MYT1L: variants seen among roughly 807,000 people sequenced by gnomAD.
MYT1L encodes myelin transcription factor 1-like protein.
In MYT1L, 12 loss-of-function variants were observed where a neutral mutation model predicts 126.7. The ratio of observed to expected loss-of-function variants is 0.09; its 90% CI spans 0.06 to 0.15. MYT1L has a LOEUF of 0.15. MYT1L is among the 10% of genes least tolerant of loss of function. MYT1L has a pLI of 1.00. For synonymous variants in MYT1L, 541 were observed against 604.2 expected (o/e 0.90, Z 1.53); for missense variants, 979 against 1,585.2 (o/e 0.62, Z 6.49).
intron 21 of MYT1L, among the ~76,000 whole-genome samples, chr2:1,832,343 G>C (rs1272942287): frequency 1.3e-5 from 2 of 152,212 alleles, no homozygotes; most frequent in Non-Finnish European, 2.9e-5. Context: ...ACAGGGGATA[G>C]AGGTCAGTTG....
chr2:2,014,835 T>A (rs927327105), intron 4 of MYT1L, among the ~76,000 whole-genome samples: 1 of 152,162 alleles, frequency 6.6e-6, no homozygotes, highest in Non-Finnish European at 1.5e-5. Flanking sequence ...GAGTTCCCCT[T>A]AAGAGGGGTG....
intron 3 of MYT1L, among the ~76,000 whole-genome samples, chr2:2,124,723 G>A (rs1241945707): frequency 6.6e-6 from 1 of 152,216 alleles, no homozygotes; most frequent in Non-Finnish European, 1.5e-5. Flanking sequence ...TATAAATGCA[G>A]AGACAGATGT....
chr2:2,307,250 A>G (rs1329043357), intron 1 of MYT1L, among the ~76,000 whole-genome samples: 2 of 152,180 alleles, frequency 1.3e-5, no homozygotes, highest in Non-Finnish European at 2.9e-5. Flanking sequence ...AGACTCTGGT[A>G]TTGTTTGAGC....
Position 2,018,550 on chromosome 2 carries a change from T to C in MYT1L, c.-157-21203A>G, listed in dbSNP as rs140554085. ...GGAATCTTGAAGACATTGGGTCAGA[T>C]TGAGGCCCGGCCAGGCCGCTCATCG... On this transcript the variant is annotated intron_variant, in intron 4 of 24. Transcript: ENST00000647738. 9.2e-5 allele frequency among the ~76,000 whole-genome samples: 14 copies of C among 152,338 alleles called. No homozygotes were observed. In the East Asian group the frequency reaches 2.1e-3, roughly 23 times the overall value.
In MYT1L at chr2:2,238,846, G is replaced by A. The variant is rs540799158; in HGVS notation, c.-421+45558C>T. Among the ~76,000 whole-genome samples, 55 of 152,328 alleles carry A rather than the reference G, an allele frequency of 3.6e-4. No homozygotes were observed. The South Asian group carries it at 9.1e-3, about 25-fold the overall frequency. On this transcript the variant is annotated intron_variant, in intron 2 of 24. Coordinates refer to ENST00000647738, the MANE Select transcript of MYT1L (RefSeq NM_001303052.2). ...GCCCTTTTCCTTAGCAGCCCCCATA[G>A]CTGTACACGTCCCAGTCTCTGGGTA...
At position 1,976,417 on chromosome 2, in the gene MYT1L, G is replaced by A. The variant is rs528837898; in HGVS notation, c.152+2748C>T. The stretch of plus-strand genomic sequence containing the variant: ...AGTACTTTGGGAGGCCGAGGCGGGC[G>A]GATCACCGGAGATCAGGAGTTCGAG... On this transcript the variant is annotated intron_variant, in intron 8 of 24. Coordinates refer to ENST00000647738, the MANE Select transcript of MYT1L (RefSeq NM_001303052.2). 6.8e-4 allele frequency among the ~76,000 whole-genome samples: 104 copies of A among 152,296 alleles called. 2 individuals carry two copies. The highest frequency in any genetic ancestry group is 5.1e-4 in the Non-Finnish European group (35 of 68,028).
chr2:1,792,548 G>A, intron 23 of MYT1L, 84 bp from the exon 24 acceptor site: 1 of 1,424,546 alleles, frequency 7.0e-7, no homozygotes, highest in Non-Finnish European at 9.5e-7. Context: ...AGTCTACTGG[G>A]TGCGAAGAAG....
At chr2:2,165,513 TTAA>T (rs1294073719) in intron 3 of MYT1L, among the ~76,000 whole-genome samples, 2 of 152,328 alleles carry the variant, frequency 1.3e-5, no homozygotes, top group East Asian at 3.9e-4. Context: ...GAAAAGGAAG[TTAA>T]TATTATTTAA....
chr2:2,167,850 C>G (rs1481541426), intron 3 of MYT1L, among the ~76,000 whole-genome samples: 2 of 152,174 alleles, frequency 1.3e-5, no homozygotes, highest in African/African-American at 2.4e-5. Flanking sequence ...AATGGCTCAA[C>G]AAGAACAGCT....
In MYT1L at chr2:1,938,059, T is replaced by G. The variant is rs371971121; in HGVS notation, c.505+4923A>C. Among the ~76,000 whole-genome samples the G allele has an allele frequency of 5.3e-5, 8 of 152,218 alleles. No individual in the cohort carries two copies. The East Asian group carries it at 1.5e-3, about 29-fold the overall frequency. ...CAAAGTATTCCAGAAACAGAGCATT[T>G]AAAGCAACATCTATGTGCTAAAGGC... On this transcript the variant is annotated intron_variant, in intron 9 of 24. Transcript: ENST00000647738.
At chr2:2,056,583 GGAGT>G (rs2069595601) in intron 3 of MYT1L, among the ~76,000 whole-genome samples, 1 of 152,202 alleles carries the variant, frequency 6.6e-6, no homozygotes, top group Non-Finnish European at 1.5e-5. Flanking sequence ...AATTAGGTAA[GGAGT>G]GAGTGAGTCA....
Position 1,911,483 on chromosome 2 carries a change from CAA to C in MYT1L, c.1709+535_1709+536del, listed in dbSNP as rs1318564133. On this transcript the variant is annotated intron_variant, in intron 12 of 24. Coordinates refer to ENST00000647738, the MANE Select transcript of MYT1L (RefSeq NM_001303052.2). ...AAAGAGAACTCAGATCTTTCACAAACAAAAGAGTGGTTCTGAGTCCATTGGTT... is the reference window on the plus strand; with the variant it reads ...AAAGAGAACTCAGATCTTTCACAAACAAGAGTGGTTCTGAGTCCATTGGTT... Among the ~76,000 whole-genome samples the C allele has an allele frequency of 2.6e-5, 4 of 152,188 alleles. No individual in the cohort carries two copies. The East Asian group carries it at 5.8e-4, about 22-fold the overall frequency.
In MYT1L at chr2:2,240,778, C is replaced by G. The variant is rs142830200; in HGVS notation, c.-421+43626G>C. Among the ~76,000 whole-genome samples the G allele has an allele frequency of 2.8e-3, 430 of 152,326 alleles. 6 individuals are homozygous for G. The highest frequency in any genetic ancestry group is 1.0e-2 in the African/African-American group (414 of 41,576). On this transcript the variant is annotated intron_variant, in intron 2 of 24. Transcript: ENST00000647738. ...ACACGGTGTCACTCTCCCCGCCAGC[C>G]CCGCGTGCCAGCGGCCTTAGTTAGA...
chr2:2,261,142 C>CATGTGTGT (rs1196071937), intron 2 of MYT1L, among the ~76,000 whole-genome samples: 3 of 149,102 alleles, frequency 2.0e-5, no homozygotes, highest in African/African-American at 7.4e-5. Flanking sequence ...TGTGTGAGTG[C>CATGTGTGT]GTGTGTGTGT....
chr2:1,792,587 G>C (rs1397467125), intron 23 of MYT1L, 123 bp from the exon 24 acceptor site: 7 of 1,095,946 alleles, frequency 6.4e-6, no homozygotes, highest in East Asian at 2.7e-5. Flanking sequence ...GAAAGGCTTC[G>C]GGCCGGGCGC....
Position 1,910,335 on chromosome 2 carries a change from G to A in MYT1L, c.1722C>T (p.Cys574=), listed in dbSNP as rs2051764021. 1 of 1,611,786 alleles carries A rather than the reference G, an allele frequency of 6.2e-7. No individual in the cohort carries two copies. The part of the protein sequence containing the change: ...NRNSHRSLSG[C]PIAAAEKLAK... ...CCAGTTTCTCTGCTGCAGCGATCGG[G>A]CATCCGGAGAGGCTGCAATCACAGA... The change falls in exon 13 of 25, where the codon TGC becomes TGT. Residue 574 remains cysteine, a synonymous_variant. Coordinates refer to ENST00000647738, the MANE Select transcript of MYT1L (RefSeq NM_001303052.2). This position sits in a 1 kb window ranked among gnomAD's most constrained non-coding sequence, Gnocchi z 4.8.
At position 1,892,089 on chromosome 2, in the gene MYT1L, CGGCAGCGCGT is replaced by C. The variant is rs1253072668; in HGVS notation, c.2221_2230del (p.Thr741AlafsTer7). On this transcript the variant is annotated frameshift_variant, in exon 15 of 25. Coordinates refer to ENST00000647738, the MANE Select transcript of MYT1L (RefSeq NM_001303052.2). LOFTEE classifies it high-confidence loss of function. ...GGTGCTCAGGTTCTGCGGCATCTCG[CGGCAGCGCGT>C]GGACAGGTTGAGGATGGCGGTGGCC... 1 of 1,543,048 alleles carries C rather than the reference CGGCAGCGCGT, an allele frequency of 6.5e-7. No individual in the cohort carries two copies. Among genetic ancestry groups the C allele is most frequent in the African/African-American group, 1.4e-5 (1 of 73,026 alleles).
chr2:1,994,566 A>G (rs2061686502), intron 5 of MYT1L, among the ~76,000 whole-genome samples: 1 of 152,210 alleles, frequency 6.6e-6, no homozygotes, highest in Admixed American at 6.5e-5. Context: ...ATGTGTGGCT[A>G]CGGTGCTAGT....
At chr2:2,178,500 T>C (rs1305922739) in intron 2 of MYT1L, among the ~76,000 whole-genome samples, 7 of 152,106 alleles carry the variant, frequency 4.6e-5, no homozygotes. Context: ...CAAAGGCGGA[T>C]TGGTGCCGTG....
Sources: gnomAD v4.1 joint callset for allele counts (sites outside exome capture counted in the v4.1 genomes callset) on GRCh38, gnomAD v4.1.1 for gene constraint, Gnocchi (gnomAD v3.1) non-coding constraint, MANE v1.5 for transcripts, NCBI Gene and HGNC (gene_info 2026-07-23, HGNC 2026-07-21) for gene names.